NTM: variants seen among roughly 807,000 people sequenced by gnomAD.
NTM encodes neurotrimin.
In NTM, 13 loss-of-function variants were observed where a neutral mutation model predicts 42.1. The ratio of observed to expected loss-of-function variants is 0.31; its 90% CI spans 0.20 to 0.49. The LOEUF (loss-of-function observed/expected upper bound fraction) is 0.49, where lower values mean the gene tolerates loss of function less well. Among genes scored for constraint, NTM ranks in the 20% least tolerant of loss-of-function variants. The probability of loss-of-function intolerance (pLI) is 0.99; values close to 1 mark genes in which losing one functional copy is unlikely to be tolerated. For missense variants in NTM, 373 were observed against 452.8 expected (o/e 0.82, Z 1.60); for synonymous variants, 187 against 179.2 (o/e 1.04, Z -0.35).
chr11:132,010,892 T>G (rs1355447486), intron 2 of NTM, among the ~76,000 whole-genome samples: 3 of 152,052 alleles, frequency 2.0e-5, no homozygotes, highest in Non-Finnish European at 2.9e-5. Context: ...TCGCAGCTCT[T>G]GGACAGGGCT....
intron 4 of NTM, among the ~76,000 whole-genome samples, chr11:132,242,514 T>C (rs904802802): frequency 6.6e-6 from 1 of 152,250 alleles, no homozygotes; most frequent in Non-Finnish European, 1.5e-5. Flanking sequence ...CTAGTTTTTC[T>C]TCTATCCTGG....
chr11:131,986,587 C>T (rs2135022474), intron 2 of NTM, among the ~76,000 whole-genome samples: 2 of 152,310 alleles, frequency 1.3e-5, no homozygotes, highest in East Asian at 3.9e-4. Context: ...ACCATCCTAT[C>T]TAAAATTGCA....
chr11:132,029,461 A>G (rs956111487), intron 2 of NTM, among the ~76,000 whole-genome samples: 5 of 149,966 alleles, frequency 3.3e-5, no homozygotes, highest in Non-Finnish European at 7.4e-5. Context: ...TGTCCTTGCG[A>G]TAGTTTGCTG....
At chr11:131,910,014 A>G (rs971577070) in intron 1 of NTM, 3 of 152,148 alleles carry the variant, frequency 2.0e-5, no homozygotes, top group African/African-American at 7.2e-5. Flanking sequence ...CTTGACCAAC[A>G]TTTTGATGAT....
chr11:131,528,917 G>A (rs1450607929), intron 1 of NTM, among the ~76,000 whole-genome samples: 3 of 152,186 alleles, frequency 2.0e-5, no homozygotes, highest in Admixed American at 1.3e-4. Flanking sequence ...TAGTGTGTGT[G>A]TTTTGTATTT....
intron 1 of NTM, among the ~76,000 whole-genome samples, chr11:131,413,449 G>A (rs550874361): frequency 1.3e-5 from 2 of 152,260 alleles, no homozygotes; most frequent in African/African-American, 2.4e-5. Flanking sequence ...TCAATGGCAC[G>A]GCCCAACCTT....
chr11:131,652,885 C>G (rs956002946), intron 1 of NTM, among the ~76,000 whole-genome samples: 1 of 152,222 alleles, frequency 6.6e-6, no homozygotes, highest in Non-Finnish European at 1.5e-5. Context: ...GCGGTCACTC[C>G]GCCTTCAGAA....
At chr11:131,803,481 A>G (rs565467) in intron 1 of NTM, among the ~76,000 whole-genome samples, 140,261 of 152,154 alleles carry the variant, frequency 0.92, 64,815 homozygotes, top group East Asian at 1. Flanking sequence ...GCTAATTTTT[A>G]TATTTTTAAG....
chr11:131,604,659 TA>T lies in NTM; in HGVS notation c.82+233774del, dbSNP rs1217053798. Among the ~76,000 whole-genome samples, 65 of 137,402 alleles carry T rather than the reference TA, an allele frequency of 4.7e-4. 1 individual carries two copies. Among genetic ancestry groups the T allele is most frequent in the African/African-American group, 1.3e-3 (51 of 38,506 alleles). The allele number at this position is 137,402 out of a possible 152,430, so 90.1% of individuals were successfully genotyped here. On this transcript the variant is annotated intron_variant, in intron 1 of 8. Coordinates refer to ENST00000683400, the MANE Select transcript of NTM (RefSeq NM_001352005.2). Reference sequence around the variant, plus strand: ...TTCTAAAAGGTTTTTTTTTTTTTTTTAAATTTAGCTATTATGTCAAGGTCCA... The same window carrying T: ...TTCTAAAAGGTTTTTTTTTTTTTTTTAATTTAGCTATTATGTCAAGGTCCA...
intron 2 of NTM, among the ~76,000 whole-genome samples, chr11:132,065,099 G>A (rs768840938): frequency 1.3e-5 from 2 of 152,158 alleles, no homozygotes; most frequent in Non-Finnish European, 2.9e-5. Flanking sequence ...GACTCTTGGG[G>A]AAACTCCTAC....
intron 3 of NTM, among the ~76,000 whole-genome samples, chr11:132,158,122 G>A (rs1334274729): frequency 6.6e-6 from 1 of 152,160 alleles, no homozygotes; most frequent in Non-Finnish European, 1.5e-5. Context: ...GCTCACCTAA[G>A]GTCTTTAACA....
At chr11:131,781,138 A>G (rs1463373667) in intron 1 of NTM, among the ~76,000 whole-genome samples, 1 of 152,136 alleles carries the variant, frequency 6.6e-6, no homozygotes, top group Non-Finnish European at 1.5e-5. Flanking sequence ...AGAGAGCTCT[A>G]TTATATCAAG....
intron 2 of NTM, among the ~76,000 whole-genome samples, chr11:131,969,698 A>G (rs748219236): frequency 1.9e-4 from 29 of 152,272 alleles, no homozygotes; most frequent in Non-Finnish European, 2.9e-4. Flanking sequence ...AATTTTGAGT[A>G]CTGCACAGAA....
chr11:132,308,066 A>G (rs977152176), intron 5 of NTM, among the ~76,000 whole-genome samples: 4 of 152,246 alleles, frequency 2.6e-5, no homozygotes, highest in Non-Finnish European at 4.4e-5. Context: ...GCCAAACTTG[A>G]CTTGCATGGC....
chr11:131,456,635 C>T (rs1002652457), intron 1 of NTM, among the ~76,000 whole-genome samples: 6 of 151,932 alleles, frequency 3.9e-5, no homozygotes, highest in Non-Finnish European at 5.9e-5. Context: ...AAGGGGAGCC[C>T]GAAAGGAAAC....
intron 1 of NTM, among the ~76,000 whole-genome samples, chr11:131,456,118 G>A (rs1052625211): frequency 1.3e-4 from 20 of 152,212 alleles, no homozygotes; most frequent in African/African-American, 2.9e-4. Flanking sequence ...CTAGCTTAGC[G>A]TTCCAATAGT....
At position 132,142,357 on chromosome 11, in the gene NTM, C is replaced by T. The variant is rs577790427; in HGVS notation, c.168-3925C>T. Reference sequence around the variant, plus strand: ...CACCATCCTGAGAGAGGTGAGATACCGTACCGTGTTTCAGGAGCAGTTTTG... The same window carrying T: ...CACCATCCTGAGAGAGGTGAGATACTGTACCGTGTTTCAGGAGCAGTTTTG... On this transcript the variant is annotated intron_variant, in intron 2 of 8. Transcript: ENST00000683400. Among the ~76,000 whole-genome samples the T allele has an allele frequency of 2.4e-4, 36 of 152,258 alleles. No individual in the cohort carries two copies. The South Asian group carries it at 6.0e-3, about 26-fold the overall frequency.
intron 1 of NTM, among the ~76,000 whole-genome samples, chr11:131,540,315 C>T (rs528036706): frequency 6.6e-6 from 1 of 152,170 alleles, no homozygotes; most frequent in Admixed American, 6.5e-5. Context: ...CAGGCGCATG[C>T]CACCATGGCC....
chr11:131,659,698 A>G (rs896937189), intron 1 of NTM, among the ~76,000 whole-genome samples: 6 of 152,138 alleles, frequency 3.9e-5, no homozygotes, highest in South Asian at 2.1e-4. Context: ...TAACATACCA[A>G]TGTGATCGGG....
Sources: allele counts gnomAD v4.1 joint callset (sites outside exome capture counted in the v4.1 genomes callset), GRCh38; gene constraint gnomAD v4.1.1; transcripts MANE v1.5; gene names NCBI Gene and HGNC (gene_info 2026-07-23, HGNC 2026-07-21).